SHTN1: variants seen among roughly 807,000 people sequenced by gnomAD.
SHTN1 encodes the protein shootin-1.
In SHTN1, 42 loss-of-function variants were observed where a neutral mutation model predicts 83.1. The ratio of observed to expected loss-of-function variants is 0.51; its 90% CI spans 0.39 to 0.65. The LOEUF is 0.65. Ranked by LOEUF, SHTN1 falls within the 30% of genes least tolerant of loss-of-function variation. The pLI is 0.00. For missense variants in SHTN1, 622 were observed against 737.8 expected (o/e 0.84, Z 1.82); for synonymous variants, 224 against 247.7 (o/e 0.90, Z 0.90).
intron 9 of SHTN1, among the ~76,000 whole-genome samples, chr10:116,935,036 G>A (rs1849102855): frequency 6.6e-6 from 1 of 152,214 alleles, no homozygotes; most frequent in Non-Finnish European, 1.5e-5. Context: ...CTTTGCTGAA[G>A]TTGCTTATCA....
chr10:116,890,838 G>C (rs1357058658), intron 16 of SHTN1, among the ~76,000 whole-genome samples: 2 of 152,238 alleles, frequency 1.3e-5, no homozygotes, highest in Admixed American at 6.5e-5. Flanking sequence ...TGCCAACGCT[G>C]AACTTTACAG....
intron 1 of SHTN1, among the ~76,000 whole-genome samples, chr10:117,109,779 G>A (rs1853736682): frequency 6.6e-6 from 1 of 151,454 alleles, no homozygotes. Flanking sequence ...TGGCCAGGCT[G>A]GTCTCGAATT....
chr10:116,900,259 G>A (rs1847683105), intron 16 of SHTN1: 1 of 420,778 alleles, frequency 2.4e-6, no homozygotes, highest in Non-Finnish European at 4.3e-6. Context: ...ATTTGTATTA[G>A]AGCTTTAAGT....
intron 1 of SHTN1, among the ~76,000 whole-genome samples, chr10:117,105,015 C>CAA (rs1853652214): frequency 6.6e-6 from 1 of 151,980 alleles, no homozygotes. Flanking sequence ...GCCCTTACCT[C>CAA]AAATGCGTAC....
chr10:116,893,641 G>GGTGGGA (rs879509756), intron 16 of SHTN1, among the ~76,000 whole-genome samples: 128 of 136,292 alleles, frequency 9.4e-4, no homozygotes, highest in Non-Finnish European at 1.7e-3. Flanking sequence ...AAATGGTGGG[G>GGTGGGA]GTGGGAGTAT....
At chr10:116,894,814 C>G (rs1286857483) in intron 16 of SHTN1, among the ~76,000 whole-genome samples, 1 of 152,164 alleles carries the variant, frequency 6.6e-6, no homozygotes, top group Non-Finnish European at 1.5e-5. Flanking sequence ...TTCAGACAAG[C>G]AGCGCCACTT....
chr10:117,075,764 A>G (rs1237061647), intron 1 of SHTN1, among the ~76,000 whole-genome samples: 1 of 152,240 alleles, frequency 6.6e-6, no homozygotes, highest in African/African-American at 2.4e-5. Context: ...ATGGCAAATA[A>G]TAACATTAAA....
At chr10:117,115,419 G>A (rs574763415) in intron 1 of SHTN1, among the ~76,000 whole-genome samples, 8 of 152,136 alleles carry the variant, frequency 5.3e-5, no homozygotes, top group South Asian at 4.1e-4. Context: ...TGTCATCAGC[G>A]CTCAGGGAAT....
chr10:116,965,254 C>T (rs1850346780), intron 3 of SHTN1, among the ~76,000 whole-genome samples: 1 of 152,002 alleles, frequency 6.6e-6, no homozygotes, highest in African/African-American at 2.4e-5. Context: ...TGGTGGCTCA[C>T]GCCTGTAATC....
chr10:117,024,775 G>A (rs1852308072), intron 2 of SHTN1, among the ~76,000 whole-genome samples: 1 of 152,180 alleles, frequency 6.6e-6, no homozygotes, highest in South Asian at 2.1e-4. Context: ...AACTTGCTTT[G>A]AAATACATTT....
chr10:117,033,255 T>G (rs1852446922), intron 2 of SHTN1, among the ~76,000 whole-genome samples: 1 of 152,054 alleles, frequency 6.6e-6, no homozygotes, highest in African/African-American at 2.4e-5. Flanking sequence ...AAAAGTTTTT[T>G]TTTAAACTTA....
At chr10:116,914,634 G>A (rs530056568) in intron 13 of SHTN1, among the ~76,000 whole-genome samples, 1 of 152,206 alleles carries the variant, frequency 6.6e-6, no homozygotes, top group South Asian at 2.1e-4. Flanking sequence ...AGTGGAGGAA[G>A]AGGAAGAACC....
Position 116,927,899 on chromosome 10 carries a change from G to C in SHTN1, c.1013-8C>G. 1 of 1,612,462 alleles carries C rather than the reference G, an allele frequency of 6.2e-7. No homozygotes were observed. Among genetic ancestry groups the C allele is most frequent in the East Asian group, 2.2e-5 (1 of 44,672 alleles). On this transcript the variant is annotated splice_region_variant and splice_polypyrimidine_tract_variant and intron_variant, in intron 10 of 16. Transcript: ENST00000355371. The stretch of plus-strand genomic sequence containing the variant: ...GTTTCTGGAGTTCATCAACTGCACA[G>C]AGAGCAAACATTCAGAAGAGAGCTG...
At chr10:116,960,075 G>C (rs1226696880) in intron 4 of SHTN1, 61 bp downstream of exon 4, 1 of 1,004,594 alleles carries the variant, frequency 1.0e-6, no homozygotes, top group South Asian at 1.3e-5. Context: ...AGAAGCCACT[G>C]CTTAGAAAAG....
At chr10:116,990,454 C>T (rs1374735323) in intron 1 of SHTN1, among the ~76,000 whole-genome samples, 1 of 152,042 alleles carries the variant, frequency 6.6e-6, no homozygotes, top group Non-Finnish European at 1.5e-5. Flanking sequence ...TATCAGGCAG[C>T]AGCTATCCAG....
At chr10:116,889,628 G>A (rs1343171445) in intron 16 of SHTN1, among the ~76,000 whole-genome samples, 1 of 152,198 alleles carries the variant, frequency 6.6e-6, no homozygotes, top group East Asian at 1.9e-4. Context: ...CAGCTCATCA[G>A]TGGCAGAGTC....
At chr10:117,098,797 C>T (rs7903411) in intron 1 of SHTN1, among the ~76,000 whole-genome samples, 139,289 of 152,162 alleles carry the variant, frequency 0.92, 64,965 homozygotes, top group Non-Finnish European at 1. Context: ...CAAACGCTTC[C>T]TCCTGCTGAT....
intron 1 of SHTN1, among the ~76,000 whole-genome samples, chr10:117,000,860 A>G (rs938058103): frequency 7.2e-5 from 11 of 152,280 alleles, no homozygotes; most frequent in Non-Finnish European, 1.5e-4. Context: ...CTATCTCTAG[A>G]CCAGGAACTC....
intron 1 of SHTN1, among the ~76,000 whole-genome samples, chr10:117,052,919 C>T (rs999286650): frequency 2.7e-5 from 4 of 149,304 alleles, no homozygotes; most frequent in African/African-American, 9.9e-5. Context: ...ACTCGGGAGG[C>T]TGAGGCAGGA....
Sources: allele counts gnomAD v4.1 joint callset (sites outside exome capture counted in the v4.1 genomes callset), GRCh38; gene constraint gnomAD v4.1.1; transcripts MANE v1.5; gene names NCBI Gene and HGNC (gene_info 2026-07-23, HGNC 2026-07-21).